The following CIMIP6 variants were observed in gnomAD, a reference collection of about 807,000 sequenced individuals.
CIMIP6 encodes uncharacterized protein C2orf73.
the CIMIP6 span, among the ~76,000 whole-genome samples, chr2:54,380,524 C>A: frequency 6.6e-6 from 1 of 152,154 alleles, no homozygotes; most frequent in Non-Finnish European, 1.5e-5. Context: ...TATATTGACC[C>A]AAAGTGACCT....
chr2:54,356,656 T>C, the CIMIP6 span, among the ~76,000 whole-genome samples: 1 of 152,318 alleles, frequency 6.6e-6, no homozygotes, highest in East Asian at 1.9e-4. Context: ...CCTAGCATCC[T>C]AGAGACTTCA....
chr2:54,379,051 C>T, the CIMIP6 span, among the ~76,000 whole-genome samples: 4 of 152,092 alleles, frequency 2.6e-5, no homozygotes, highest in Admixed American at 1.3e-4. Flanking sequence ...AATAATAAAC[C>T]AACGAAGAAA....
chr2:54,368,187 T>C, the CIMIP6 span, among the ~76,000 whole-genome samples: 2 of 152,242 alleles, frequency 1.3e-5, no homozygotes, highest in African/African-American at 2.4e-5. Context: ...TGCTTTTGTT[T>C]CTTTACAGTA....
the CIMIP6 span, among the ~76,000 whole-genome samples, chr2:54,358,301 A>G: frequency 6.6e-6 from 1 of 152,232 alleles, no homozygotes; most frequent in Non-Finnish European, 1.5e-5. Context: ...TAGATTCAAC[A>G]TAGAATTTCT....
the CIMIP6 span, among the ~76,000 whole-genome samples, chr2:54,355,989 G>C: frequency 5.9e-5 from 9 of 152,288 alleles, no homozygotes; most frequent in East Asian, 1.5e-3. Context: ...CCAGGGTCTG[G>C]TTTGTATGTC....
the CIMIP6 span, among the ~76,000 whole-genome samples, chr2:54,377,326 C>G: frequency 9.2e-5 from 14 of 152,104 alleles, no homozygotes; most frequent in Non-Finnish European, 1.8e-4. Context: ...GTGTATAGCA[C>G]CATTATATAG....
chr2:54,380,335 A>C, the CIMIP6 span, among the ~76,000 whole-genome samples: 3 of 152,098 alleles, frequency 2.0e-5, no homozygotes, highest in Non-Finnish European at 4.4e-5. Flanking sequence ...CTCTTCAGTG[A>C]GTTAGTACAA....
chr2:54,352,280 G>A, the CIMIP6 span, among the ~76,000 whole-genome samples: 1 of 151,510 alleles, frequency 6.6e-6, no homozygotes, highest in East Asian at 2.0e-4. Context: ...TTGAGTATTA[G>A]TAAAGCATTA....
At chr2:54,346,457 T>A in the CIMIP6 span, among the ~76,000 whole-genome samples, 1 of 152,192 alleles carries the variant, frequency 6.6e-6, no homozygotes, top group African/African-American at 2.4e-5. Context: ...AAACACCTAC[T>A]TAACATCTCC....
chr2:54,346,243 G>GT, the CIMIP6 span, among the ~76,000 whole-genome samples: 1 of 152,178 alleles, frequency 6.6e-6, no homozygotes, highest in Non-Finnish European at 1.5e-5. Flanking sequence ...AATAAGAAAA[G>GT]TAAGTGCACA....
chr2:54,369,995 C>A, the CIMIP6 span, among the ~76,000 whole-genome samples: 3 of 152,164 alleles, frequency 2.0e-5, no homozygotes, highest in Non-Finnish European at 4.4e-5. Flanking sequence ...TAGTGGCTCA[C>A]ACCTGTAATT....
the CIMIP6 span, among the ~76,000 whole-genome samples, chr2:54,354,833 G>A: frequency 7.5e-4 from 113 of 151,382 alleles, 1 homozygote; most frequent in African/African-American, 2.4e-3. Context: ...TATTCACCAG[G>A]GGCTCCATTA....
At chr2:54,360,212 G>A in the CIMIP6 span, 1 of 1,574,486 alleles carries the variant, frequency 6.4e-7, no homozygotes, top group East Asian at 2.3e-5. Flanking sequence ...GAGACACGGA[G>A]CTTTTGTACA....
At chr2:54,382,439 G>C in the CIMIP6 span, among the ~76,000 whole-genome samples, 1 of 152,130 alleles carries the variant, frequency 6.6e-6, no homozygotes, top group Non-Finnish European at 1.5e-5. Context: ...TACAGTTTCT[G>C]GTGGTCCCAG....
At chr2:54,340,712 A>C in the CIMIP6 span, among the ~76,000 whole-genome samples, 1 of 152,216 alleles carries the variant, frequency 6.6e-6, no homozygotes, top group Non-Finnish European at 1.5e-5. Flanking sequence ...TGTGAAACAA[A>C]GACTATTTTG....
At chr2:54,343,803 C>A in the CIMIP6 span, 4 of 1,612,888 alleles carry the variant, frequency 2.5e-6, no homozygotes, top group South Asian at 4.4e-5. Context: ...GGAGTGACTT[C>A]CAAAAACCAT....
chr2:54,343,032 T>C, the CIMIP6 span, among the ~76,000 whole-genome samples: 2 of 152,220 alleles, frequency 1.3e-5, no homozygotes, highest in African/African-American at 4.8e-5. Context: ...ACTTAGGTTT[T>C]AGTACCAAAA....
the CIMIP6 span, among the ~76,000 whole-genome samples, chr2:54,375,621 A>C: frequency 5.3e-4 from 81 of 152,356 alleles, no homozygotes; most frequent in South Asian, 0.016. Context: ...TGCTACAGAA[A>C]TAACTATACA....
the CIMIP6 span, among the ~76,000 whole-genome samples, chr2:54,350,420 T>A: frequency 3.5e-4 from 54 of 152,324 alleles, no homozygotes; most frequent in African/African-American, 1.3e-3. Context: ...GCAGATGGAC[T>A]GAGGACGGGA....
Sources: gnomAD v4.1 joint callset for allele counts (sites outside exome capture counted in the v4.1 genomes callset) on GRCh38, gnomAD v4.1.1 for gene constraint, MANE v1.5 for transcripts, NCBI Gene and HGNC (gene_info 2026-07-23, HGNC 2026-07-21) for gene names.